DNM3: variants seen among roughly 807,000 people sequenced by gnomAD.
DNM3 encodes the protein dynamin-3.
A neutral mutation model predicts 101.6 loss-of-function variants in DNM3; 47 were observed. That is an observed-to-expected ratio of 0.46 (90% CI 0.37 to 0.59). The LOEUF is 0.59. Ranked by LOEUF, DNM3 falls within the 20% of genes least tolerant of loss-of-function variation. DNM3 has a pLI of 0.00. For missense variants in DNM3, 849 were observed against 1,085.7 expected, an observed-to-expected ratio of 0.78 and a Z score of 3.06; for synonymous variants, 385 against 387.9, an observed-to-expected ratio of 0.99 and a Z score of 0.09.
intron 1 of DNM3, among the ~76,000 whole-genome samples, chr1:171,853,068 C>G (rs2033163540): frequency 2.0e-5 from 3 of 152,128 alleles, no homozygotes; most frequent in African/African-American, 7.2e-5. Context: ...ATCATTATGC[C>G]TGTCATTGTA....
chr1:171,976,251 A>G (rs755303925), intron 2 of DNM3, among the ~76,000 whole-genome samples: 1 of 152,228 alleles, frequency 6.6e-6, no homozygotes, highest in Non-Finnish European at 1.5e-5. Context: ...GCTGCTAACA[A>G]CTTTCAGGAA....
At chr1:172,175,056 C>T (rs953866101) in intron 14 of DNM3, among the ~76,000 whole-genome samples, 9 of 151,524 alleles carry the variant, frequency 5.9e-5, no homozygotes, top group African/African-American at 2.2e-4. Flanking sequence ...AAACAAGTAC[C>T]AGGGAATTTT....
chr1:171,939,478 A>G (rs1278551318), intron 2 of DNM3, among the ~76,000 whole-genome samples: 1 of 152,186 alleles, frequency 6.6e-6, no homozygotes, highest in East Asian at 1.9e-4. Flanking sequence ...ACCAACGATT[A>G]TACTTCTCTG....
chr1:172,126,507 A>G (rs2056626265), intron 13 of DNM3, among the ~76,000 whole-genome samples: 1 of 152,192 alleles, frequency 6.6e-6, no homozygotes, highest in African/African-American at 2.4e-5. Flanking sequence ...AAATTAGCAA[A>G]ATAATTGTCC....
chr1:172,356,682 C>A (rs899811327), intron 17 of DNM3, among the ~76,000 whole-genome samples: 2 of 151,986 alleles, frequency 1.3e-5, no homozygotes, highest in Admixed American at 6.6e-5. Flanking sequence ...AAAACTGTAC[C>A]CCCACAACAC....
chr1:172,370,468 C>T (rs557044743), intron 17 of DNM3, among the ~76,000 whole-genome samples: 1 of 151,982 alleles, frequency 6.6e-6, no homozygotes, highest in South Asian at 2.1e-4. Context: ...AAAATTAGAC[C>T]AGAGTTCTAT....
chr1:172,200,028 T>C (rs2060096532), intron 14 of DNM3, among the ~76,000 whole-genome samples: 1 of 152,050 alleles, frequency 6.6e-6, no homozygotes, highest in Non-Finnish European at 1.5e-5. Flanking sequence ...AAGTGTGTTT[T>C]TGTTTTAGCT....
intron 1 of DNM3, among the ~76,000 whole-genome samples, chr1:171,856,966 T>C (rs1309142860): frequency 6.6e-6 from 1 of 152,168 alleles, no homozygotes; most frequent in Non-Finnish European, 1.5e-5. Flanking sequence ...AAGAATTTGA[T>C]AGATCGAGAT....
In DNM3 at chr1:172,005,255, G is replaced by C. The variant is rs536694865; in HGVS notation, c.589+16107G>C. Among the ~76,000 whole-genome samples, 32 of 152,140 alleles carry C rather than the reference G, an allele frequency of 2.1e-4. 1 individual carries two copies. Among genetic ancestry groups the C allele is most frequent in the African/African-American group, 6.7e-4 (28 of 41,536 alleles). ...TGAGTTAATGTCTGCAAAGTACTTA[G>C]TACAGTGTCTGGCACTTGATAAACT... is the stretch of plus-strand genomic sequence containing the variant. On this transcript the variant is annotated intron_variant, in intron 4 of 20. Transcript: ENST00000627582.
At chr1:172,333,732 T>C (rs1021140195) in intron 17 of DNM3, among the ~76,000 whole-genome samples, 6 of 152,150 alleles carry the variant, frequency 3.9e-5, no homozygotes, top group African/African-American at 1.4e-4. Context: ...AGAAAATATA[T>C]TCAGTTGCAT....
At chr1:172,358,879 A>G (rs979651748) in intron 17 of DNM3, among the ~76,000 whole-genome samples, 4 of 114,192 alleles carry the variant, frequency 3.5e-5, no homozygotes, top group African/African-American at 1.3e-4. Flanking sequence ...TGATTCTAAC[A>G]CACTGTGGAA....
In DNM3 at chr1:172,408,176, C is replaced by A; in HGVS notation, c.*335C>A. On this transcript the variant is annotated 3_prime_UTR_variant, in exon 21 of 21. Transcript: ENST00000627582. ...TTTCTAGGCTATCTACCAGGTAGCT[C>A]ATTAAACGTAATTCTTCAGATATGA... The A allele has an allele frequency of 9.2e-7, 1 of 1,091,586 alleles. No homozygotes were observed. Among genetic ancestry groups the A allele is most frequent in the Non-Finnish European group, 1.1e-6 (1 of 894,714 alleles). 67.6% of individuals were successfully genotyped at this position (1,091,586 alleles called of 1,614,324 possible). A position where few individuals can be genotyped will look rare whatever the true frequency, so the allele number is the denominator to read the frequency against.
At chr1:172,253,521 TCTCCTCTCCTCTC>T in intron 14 of DNM3, 39 bp from the exon 15 acceptor site, 1 of 1,199,784 alleles carries the variant, frequency 8.3e-7, no homozygotes, top group Admixed American at 2.3e-5. Flanking sequence ...TCTCCTCTCC[TCTCCTCTCCTCTC>T]CTCTCCTCTC....
At chr1:172,109,527 G>A (rs189776054) in intron 13 of DNM3, among the ~76,000 whole-genome samples, 3 of 152,276 alleles carry the variant, frequency 2.0e-5, no homozygotes, top group Admixed American at 6.5e-5. Flanking sequence ...TTTCTTGTGC[G>A]TCTCCTCTTC....
intron 13 of DNM3, among the ~76,000 whole-genome samples, chr1:172,112,377 C>T (rs2055550523): frequency 6.6e-6 from 1 of 152,184 alleles, no homozygotes; most frequent in Non-Finnish European, 1.5e-5. Context: ...AGCACCAGAG[C>T]TGGGGCTCAC....
intron 9 of DNM3, among the ~76,000 whole-genome samples, chr1:172,046,415 GT>G (rs2049807720): frequency 6.6e-6 from 1 of 152,252 alleles, no homozygotes; most frequent in East Asian, 1.9e-4. Context: ...TTGGGTGGGA[GT>G]AGGGGGGAGG....
chr1:172,092,712 T>C, intron 12 of DNM3, 112 bp from the exon 13 acceptor site: 1 of 1,168,506 alleles, frequency 8.6e-7, no homozygotes, highest in South Asian at 1.7e-5. Context: ...TGGTATTAGG[T>C]CTGTCTCCAT....
Position 171,919,093 on chromosome 1 carries a change from C to G in DNM3, c.162-2655C>G, listed in dbSNP as rs116097823. Among the ~76,000 whole-genome samples the G allele has an allele frequency of 9.7e-3, 1,475 of 152,272 alleles. 24 individuals are homozygous for G. The highest frequency in any genetic ancestry group is 0.034 in the African/African-American group (1,408 of 41,556). On this transcript the variant is annotated intron_variant, in intron 1 of 20. Transcript: ENST00000627582. ...GCATTTTATACATCCTAAAATTTCA[C>G]TCATGGTCCTCACGGCTCAAACAGA...
chr1:172,127,630 C>A (rs983166918), intron 13 of DNM3, among the ~76,000 whole-genome samples: 1 of 151,612 alleles, frequency 6.6e-6, no homozygotes, highest in African/African-American at 2.4e-5. Context: ...AGGATGGTCT[C>A]GATCCCCTGA....
Sources: gnomAD v4.1 joint callset for allele counts (sites outside exome capture counted in the v4.1 genomes callset) on GRCh38, gnomAD v4.1.1 for gene constraint, MANE v1.5 for transcripts, NCBI Gene and HGNC (gene_info 2026-07-23, HGNC 2026-07-21) for gene names.